The following XKR4 variants were observed in gnomAD, a reference collection of about 807,000 sequenced individuals.
XKR4 encodes the protein XK-related protein 4.
Under a neutral mutation model 53.9 loss-of-function variants are expected in XKR4, and 12 were observed. That is an observed-to-expected ratio of 0.22 (90% confidence interval 0.14 to 0.36). The LOEUF (loss-of-function observed/expected upper bound fraction) is 0.36. Ranked by LOEUF, XKR4 falls within the 10% of genes least tolerant of loss-of-function variation. XKR4 has a pLI of 1.00. For synonymous variants in XKR4, 354 were observed against 362.4 expected (o/e 0.98, Z 0.26); for missense variants, 799 against 859.5 (o/e 0.93, Z 0.88).
chr8:55,461,523 GA>G (rs927293794), intron 2 of XKR4, among the ~76,000 whole-genome samples: 2 of 152,128 alleles, frequency 1.3e-5, no homozygotes, highest in Admixed American at 6.6e-5. Context: ...AAAGATGGGG[GA>G]AAAAACAGAG....
chr8:55,267,772 T>C (rs985560829), intron 1 of XKR4, among the ~76,000 whole-genome samples: 1 of 152,204 alleles, frequency 6.6e-6, no homozygotes, highest in African/African-American at 2.4e-5. Context: ...ATCCTCTGAT[T>C]ACTCTCTGAA....
intron 1 of XKR4, among the ~76,000 whole-genome samples, chr8:55,220,560 G>T (rs1320453964): frequency 6.6e-6 from 1 of 152,218 alleles, no homozygotes; most frequent in African/African-American, 2.4e-5. Flanking sequence ...ATCAAGCCTG[G>T]CTCTAGAGGA....
chr8:55,368,189 G>A (rs1034442035), intron 2 of XKR4, among the ~76,000 whole-genome samples: 59 of 152,182 alleles, frequency 3.9e-4, no homozygotes, highest in African/African-American at 1.3e-3. Flanking sequence ...TTGAACTCCC[G>A]ACCTCAGGTG....
At chr8:55,337,965 A>G (rs1803486585) in intron 1 of XKR4, among the ~76,000 whole-genome samples, 1 of 152,202 alleles carries the variant, frequency 6.6e-6, no homozygotes, top group African/African-American at 2.4e-5. Flanking sequence ...TTTGCTATGA[A>G]CAGCATGTCT....
chr8:55,274,436 CT>C (rs1278974349), intron 1 of XKR4, among the ~76,000 whole-genome samples: 4,782 of 143,110 alleles, frequency 0.033, 218 homozygotes, highest in African/African-American at 0.1. Context: ...CCAAATTTCC[CT>C]TTTTTTTTTT....
chr8:55,428,150 A>G (rs561834453), intron 2 of XKR4, among the ~76,000 whole-genome samples: 3 of 152,240 alleles, frequency 2.0e-5, no homozygotes, highest in East Asian at 1.9e-4. Flanking sequence ...TATTTTTTTC[A>G]CTAAGTAAAA....
chr8:55,435,430 TA>T (rs1805160177), intron 2 of XKR4, among the ~76,000 whole-genome samples: 1 of 152,012 alleles, frequency 6.6e-6, no homozygotes, highest in Non-Finnish European at 1.5e-5. Flanking sequence ...AAGATCAGCA[TA>T]AAGGGTCCAG....
intron 2 of XKR4, among the ~76,000 whole-genome samples, chr8:55,378,289 A>T (rs1293422489): frequency 1.3e-5 from 2 of 152,244 alleles, no homozygotes; most frequent in Non-Finnish European, 2.9e-5. Flanking sequence ...GGTCAGAGTC[A>T]GCAGTGTCAT....
chr8:55,308,589 G>A (rs1274698790), intron 1 of XKR4, among the ~76,000 whole-genome samples: 1 of 152,186 alleles, frequency 6.6e-6, no homozygotes, highest in Non-Finnish European at 1.5e-5. Context: ...AATTTGCTAT[G>A]AGATTTGGGT....
intron 1 of XKR4, among the ~76,000 whole-genome samples, chr8:55,123,992 G>A (rs1816427412): frequency 6.6e-6 from 1 of 152,156 alleles, no homozygotes; most frequent in African/African-American, 2.4e-5. Flanking sequence ...TTTAGGTATA[G>A]CAATCCCATG....
intron 2 of XKR4, among the ~76,000 whole-genome samples, chr8:55,501,996 C>T (rs1665820577): frequency 6.6e-6 from 1 of 152,064 alleles, no homozygotes; most frequent in Non-Finnish European, 1.5e-5. Flanking sequence ...AAATTACTTA[C>T]AATGTACAAT....
At chr8:55,243,878 T>C (rs1429426706) in intron 1 of XKR4, among the ~76,000 whole-genome samples, 1 of 152,192 alleles carries the variant, frequency 6.6e-6, no homozygotes, top group Non-Finnish European at 1.5e-5. Flanking sequence ...AAGGATAACC[T>C]AGACAGTGCG....
chr8:55,465,829 T>C (rs1234808166), intron 2 of XKR4, among the ~76,000 whole-genome samples: 13 of 150,240 alleles, frequency 8.7e-5, no homozygotes, highest in African/African-American at 2.7e-4. Flanking sequence ...GGGCAAAGGA[T>C]ATGAACAGAC....
At chr8:55,384,934 C>T (rs1804287856) in intron 2 of XKR4, among the ~76,000 whole-genome samples, 7 of 152,196 alleles carry the variant, frequency 4.6e-5, no homozygotes. Context: ...AAAAATACAG[C>T]AGGGACTCCT....
chr8:55,417,993 G>A (rs2129392054), intron 2 of XKR4, among the ~76,000 whole-genome samples: 1 of 152,280 alleles, frequency 6.6e-6, no homozygotes, highest in Non-Finnish European at 1.5e-5. Flanking sequence ...ACAGCGATTT[G>A]GGTGCAGAAA....
At chr8:55,266,250 G>C (rs1411520143) in intron 1 of XKR4, among the ~76,000 whole-genome samples, 1 of 151,730 alleles carries the variant, frequency 6.6e-6, no homozygotes, top group Non-Finnish European at 1.5e-5. Context: ...GGAGTGATGT[G>C]AGCGCAGTAC....
chr8:55,139,884 A>C (rs1032746659), intron 1 of XKR4, among the ~76,000 whole-genome samples: 1 of 152,238 alleles, frequency 6.6e-6, no homozygotes, highest in Non-Finnish European at 1.5e-5. Flanking sequence ...ATAAAAAACA[A>C]TGATAAAACC....
intron 2 of XKR4, among the ~76,000 whole-genome samples, chr8:55,456,746 AT>A (rs1052938873): frequency 5.9e-5 from 9 of 152,024 alleles, no homozygotes; most frequent in African/African-American, 1.4e-4. Flanking sequence ...AGTACAGACA[AT>A]TTTTTTTGAA....
chr8:55,502,442 T>G (rs1806459050), intron 2 of XKR4, among the ~76,000 whole-genome samples: 1 of 152,156 alleles, frequency 6.6e-6, no homozygotes, highest in South Asian at 2.1e-4. Context: ...TGAAATTATA[T>G]CTCATTGTGG....
Sources: allele counts gnomAD v4.1 joint callset (sites outside exome capture counted in the v4.1 genomes callset), GRCh38; gene constraint gnomAD v4.1.1; transcripts MANE v1.5; gene names NCBI Gene and HGNC (gene_info 2026-07-23, HGNC 2026-07-21).